The following CDK11B variants were observed in gnomAD, a reference collection of about 807,000 sequenced individuals.
CDK11B encodes cyclin-dependent kinase 11B.
In CDK11B, 37 loss-of-function variants were observed where a neutral mutation model predicts 84.0. The ratio of observed to expected loss-of-function variants is 0.44; its 90% CI spans 0.34 to 0.58. The LOEUF (loss-of-function observed/expected upper bound fraction) is 0.58. Among genes scored for constraint, CDK11B ranks in the 20% least tolerant of loss-of-function variants. CDK11B has a pLI of 0.02. For synonymous variants in CDK11B, 269 were observed against 309.8 expected, an observed-to-expected ratio of 0.87 and a Z score of 1.38; for missense variants, 427 against 834.0, an observed-to-expected ratio of 0.51 and a Z score of 6.01.
rs1166131482 is a variant in CDK11B, at chr1:1,636,371, C to A, written c.2028G>T (p.Gly676=). 6.2e-7 allele frequency: 1 copy of A among 1,600,144 alleles called. No individual in the cohort carries two copies. The highest frequency in any genetic ancestry group is 1.3e-5 in the African/African-American group (1 of 74,806). ...CGAAGCCCTGGTCTGAGAGCAGAGC[C>A]CCGAAGCGCTTGCGGAGGTTGTTGT... ...HPYNNLRKRF[G]ALLSDQGFDL... is the part of the protein sequence containing the mutation. The change falls in exon 18 of 20, where the codon GGG becomes GGT. Residue 676 remains glycine, a synonymous_variant. Coordinates refer to ENST00000341832, the MANE Select transcript of CDK11B (RefSeq NM_033486.3).
At chr1:1,657,616 G>A (rs1228217716) in intron 1 of CDK11B, 118 bp from the exon 2 acceptor site, 14 of 777,924 alleles carry the variant, frequency 1.8e-5, no homozygotes, top group South Asian at 9.8e-5. Context: ...ATAAGAAGTT[G>A]TGCCCGGCGC....
At chr1:1,639,920 G>A (rs1033279437) in intron 11 of CDK11B, among the ~76,000 whole-genome samples, 1 of 151,622 alleles carries the variant, frequency 6.6e-6, no homozygotes, top group African/African-American at 2.4e-5. Flanking sequence ...ACAAGGCCTT[G>A]GTGCCTACAT....
chr1:1,639,691 G>A (rs375849165), intron 11 of CDK11B, among the ~76,000 whole-genome samples: 10 of 151,952 alleles, frequency 6.6e-5, no homozygotes, highest in South Asian at 2.1e-4. Context: ...ATGCGCCAGA[G>A]AGAACCTCTC....
intron 5 of CDK11B, among the ~76,000 whole-genome samples, chr1:1,647,923 G>A (rs954829116): frequency 3.2e-4 from 48 of 152,226 alleles, no homozygotes; most frequent in African/African-American, 1.1e-3. Context: ...CTTCCCAAGT[G>A]CAGAGTGGAA....
intron 4 of CDK11B, among the ~76,000 whole-genome samples, chr1:1,650,386 G>A (rs1362520542): frequency 9.3e-6 from 1 of 107,918 alleles, no homozygotes; most frequent in Non-Finnish European, 1.8e-5. Flanking sequence ...TTTTTTTGGA[G>A]ATGGAGTCTT....
chr1:1,655,497 G>T lies in CDK11B; in HGVS notation c.112-13C>A, dbSNP rs1005820597. On this transcript the variant is annotated splice_polypyrimidine_tract_variant and intron_variant, in intron 2 of 19. Transcript: ENST00000341832. ...CCCGGTCATCAGACTAAGAAGCAAA[G>T]AGAAAGTTAATCATTTTCTTTATAA... The T allele has an allele frequency of 6.3e-7, 1 of 1,591,678 alleles. No individual in the cohort carries two copies. The highest frequency in any genetic ancestry group is 8.6e-7 in the Non-Finnish European group (1 of 1,168,394).
intron 9 of CDK11B, among the ~76,000 whole-genome samples, 176 bp from the exon 10 acceptor site, chr1:1,641,289 A>T (rs1329940118): frequency 6.8e-6 from 1 of 146,938 alleles, no homozygotes; most frequent in African/African-American, 2.4e-5. Flanking sequence ...CGGGTGGATC[A>T]CCTGAGGTCA....
rs1639336412 is a variant in CDK11B, at chr1:1,636,615, C to T, written c.1917+67G>A. On this transcript the variant is annotated intron_variant, in intron 17 of 19. Transcript: ENST00000341832. ...CCCATCTCAACCCAGCACCTGTGCGCCCCGCAGCCCCATTCCTGCAACTCC... is the reference window on the plus strand; with the variant it reads ...CCCATCTCAACCCAGCACCTGTGCGTCCCGCAGCCCCATTCCTGCAACTCC... The T allele has an allele frequency of 1.3e-5, 21 of 1,604,732 alleles. No homozygotes were observed. In the South Asian group the frequency reaches 2.1e-4, roughly 16 times the overall value.
At chr1:1,645,946 C>A (rs1371846581) in intron 5 of CDK11B, 2 of 368,814 alleles carry the variant, frequency 5.4e-6, no homozygotes, top group Non-Finnish European at 1.1e-5. Flanking sequence ...TCAAGTGATT[C>A]TCATACCTGA....
At chr1:1,656,275 G>A (rs1431440482) in intron 2 of CDK11B, among the ~76,000 whole-genome samples, 1 of 151,918 alleles carries the variant, frequency 6.6e-6, no homozygotes, top group Non-Finnish European at 1.5e-5. Flanking sequence ...TGAATCACCT[G>A]AGGTCAGGAG....
At chr1:1,649,954 C>CAA (rs1294913578) in intron 4 of CDK11B, among the ~76,000 whole-genome samples, 101 of 87,444 alleles carry the variant, frequency 1.2e-3, no homozygotes, top group East Asian at 1.5e-3. Flanking sequence ...ACAGCCTGGG[C>CAA]AAAAAAAAAA....
intron 1 of CDK11B, among the ~76,000 whole-genome samples, 172 bp from the exon 2 acceptor site, chr1:1,657,670 G>A (rs1642935547): frequency 8.0e-6 from 1 of 125,662 alleles, no homozygotes; most frequent in Non-Finnish European, 1.6e-5. Flanking sequence ...AGGCCGAGGC[G>A]AGCAGATCGC....
Position 1,636,699 on chromosome 1 carries a change from T to G in CDK11B, c.1900A>C (p.Ile634Leu), listed in dbSNP as rs1329733028. Residue 634 changes from isoleucine to leucine, a missense_variant, in exon 17 of 20, where the codon ATC becomes CTC. Ile to Leu is a conservative substitution (Grantham distance 5). Coordinates refer to ENST00000341832, the MANE Select transcript of CDK11B (RefSeq NM_033486.3). ...AGACCCACCTTGAACACCTTGTTGA[T>G]CTGATCGATTTCTGACTTCCCGGGG... ...LFPGKSEIDQ[I>L]NKVFKDLGTP... The G allele has an allele frequency of 6.2e-7, 1 of 1,613,856 alleles. No individual in the cohort carries two copies. The highest frequency in any genetic ancestry group is 8.5e-7 in the Non-Finnish European group (1 of 1,179,872).
rs1230571430 is a variant in CDK11B at position 1,641,200 on chromosome 1, A to G, written c.1010-87T>C. The G allele has an allele frequency of 7.7e-6, 12 of 1,559,658 alleles. No homozygotes were observed. The South Asian group carries it at 1.1e-4, about 15-fold the overall frequency. On this transcript the variant is annotated intron_variant, in intron 9 of 19. Coordinates refer to ENST00000341832, the MANE Select transcript of CDK11B (RefSeq NM_033486.3). ...ATGCGGGCTCCGCTTCAGCTAAGCAACAAGTGTTCCCAAGAATGGATATGC... is the reference window on the plus strand; with the variant it reads ...ATGCGGGCTCCGCTTCAGCTAAGCAGCAAGTGTTCCCAAGAATGGATATGC...
At chr1:1,646,407 A>G (rs375548901) in intron 5 of CDK11B, 7 of 518,806 alleles carry the variant, frequency 1.3e-5, no homozygotes, top group Non-Finnish European at 2.3e-5. Flanking sequence ...CGTATGCCTC[A>G]TGATACTAGC....
rs375742587 is a variant in CDK11B, at chr1:1,636,993, G to C, written c.1704C>G (p.Phe568Leu). ...GGGATCCGTACTCCCGCGCCAGCCC[G>C]AAGTCACCCACCTGCAACGACAGAT... Reference protein sequence around the residue: ...SHAGILKVGDFGLAREYGSPL... With the variant: ...SHAGILKVGDLGLAREYGSPL... Residue 568 changes from phenylalanine (F) to leucine (L), a missense_variant, in exon 16 of 20, where the codon TTC (phenylalanine) becomes TTG (leucine). Phe to Leu is a conservative substitution (Grantham distance 22). Coordinates refer to ENST00000341832, the MANE Select transcript of CDK11B (RefSeq NM_033486.3). The C allele has an allele frequency of 1.9e-6, 3 of 1,612,200 alleles. No individual in the cohort carries two copies. In the East Asian group the frequency reaches 6.7e-5, roughly 36 times the overall value.
Position 1,636,683 on chromosome 1 carries a change from T to C in CDK11B, c.1916A>G (p.Lys639Arg). The C allele has an allele frequency of 1.2e-6, 2 of 1,613,976 alleles. No homozygotes were observed. The highest frequency in any genetic ancestry group is 1.7e-6 in the Non-Finnish European group (2 of 1,179,852). ...CACCTGCAGCAGGGCCAGACCCACC[T>C]TGAACACCTTGTTGATCTGATCGAT... ...SEIDQINKVF[K>R]DLGTPSEKIW... The change falls in exon 17 of 20, where the codon AAG becomes AGG. Residue 639 changes from lysine (K) to arginine (R), a missense_variant and splice_region_variant. Transcript: ENST00000341832.
chr1:1,654,698 G>A (rs1251142785), intron 3 of CDK11B, among the ~76,000 whole-genome samples: 1 of 148,260 alleles, frequency 6.7e-6, no homozygotes, highest in East Asian at 2.0e-4. Context: ...TTGCTCTGTC[G>A]CCCAGGCTGG....
chr1:1,647,261 A>AC (rs1641282984), intron 5 of CDK11B, among the ~76,000 whole-genome samples: 1 of 152,208 alleles, frequency 6.6e-6, no homozygotes, highest in Admixed American at 6.5e-5. Flanking sequence ...GTTTTTACTG[A>AC]TGATGTTCTT....
Sources: allele counts gnomAD v4.1 joint callset (sites outside exome capture counted in the v4.1 genomes callset), GRCh38; gene constraint gnomAD v4.1.1; transcripts MANE v1.5; gene names NCBI Gene and HGNC (gene_info 2026-07-23, HGNC 2026-07-21).